The following ZFYVE1 variants were observed in gnomAD, a reference collection of about 807,000 sequenced individuals.
The protein encoded by ZFYVE1 is zinc finger FYVE-type containing 1.
A neutral mutation model predicts 74.4 loss-of-function variants in ZFYVE1; 30 were observed. The ratio of observed to expected loss-of-function variants is 0.40; its 90% CI spans 0.30 to 0.55. The LOEUF is 0.55. Among genes scored for constraint, ZFYVE1 ranks in the 20% least tolerant of loss-of-function variants. The pLI is 0.42. For synonymous variants in ZFYVE1, 335 were observed against 385.1 expected, an observed-to-expected ratio of 0.87 and a Z score of 1.52; for missense variants, 703 against 1,011.6, an observed-to-expected ratio of 0.69 and a Z score of 4.14.
At chr14:73,020,674 T>C (rs905829868) in intron 2 of ZFYVE1, among the ~76,000 whole-genome samples, 2 of 152,082 alleles carry the variant, frequency 1.3e-5, no homozygotes, top group Admixed American at 6.6e-5. Context: ...TAATGGTGAC[T>C]GCTTTAAGAA....
chr14:72,980,864 AT>A (rs1893312784), intron 5 of ZFYVE1, among the ~76,000 whole-genome samples: 1 of 152,148 alleles, frequency 6.6e-6, no homozygotes, highest in Admixed American at 6.5e-5. Context: ...CCGAGAATTT[AT>A]TAAATTTATT....
chr14:73,015,947 A>T (rs370478116), intron 2 of ZFYVE1, among the ~76,000 whole-genome samples: 11 of 151,712 alleles, frequency 7.3e-5, no homozygotes, highest in South Asian at 2.1e-4. Context: ...AATAAATAAA[A>T]AATAAAAACA....
intron 2 of ZFYVE1, among the ~76,000 whole-genome samples, chr14:73,020,348 GTTTC>G (rs1257050381): frequency 6.6e-6 from 1 of 150,720 alleles, no homozygotes; most frequent in East Asian, 2.0e-4. Flanking sequence ...TTTTTTGTTT[GTTTC>G]TTTGTTTCTT....
At chr14:73,019,625 C>T (rs1894273523) in intron 2 of ZFYVE1, among the ~76,000 whole-genome samples, 2 of 152,146 alleles carry the variant, frequency 1.3e-5, no homozygotes, top group Admixed American at 1.3e-4. Context: ...AATTGGTGAG[C>T]TGGTGCTTTT....
chr14:73,008,995 C>A (rs2140378258), intron 2 of ZFYVE1, among the ~76,000 whole-genome samples: 1 of 152,314 alleles, frequency 6.6e-6, no homozygotes, highest in Admixed American at 6.5e-5. Flanking sequence ...CTAAACACCC[C>A]AACTAGAATG....
intron 2 of ZFYVE1, among the ~76,000 whole-genome samples, chr14:73,010,734 C>T (rs1210206762): frequency 6.7e-5 from 9 of 134,650 alleles, no homozygotes; most frequent in African/African-American, 1.9e-4. Context: ...TGTGCCACTG[C>T]ACTCCAGCCT....
At position 72,993,886 on chromosome 14, in the gene ZFYVE1, G is replaced by A. The variant is rs1287881475; in HGVS notation, c.989-529C>T. Among the ~76,000 whole-genome samples, 3 of 150,570 alleles carry A rather than the reference G, an allele frequency of 2.0e-5. No individual in the cohort carries two copies. The South Asian group carries it at 6.4e-4, about 32-fold the overall frequency. On this transcript the variant is annotated intron_variant, in intron 3 of 11. Coordinates refer to ENST00000556143, the MANE Select transcript of ZFYVE1 (RefSeq NM_021260.4). ...AAATACTAGCCAAGCGTGGTGGCAG[G>A]TGCCTGTAATCCCAGCTATTCAGGA...
At chr14:72,996,134 G>T (rs1463311453) in intron 3 of ZFYVE1, among the ~76,000 whole-genome samples, 1 of 152,104 alleles carries the variant, frequency 6.6e-6, no homozygotes, top group East Asian at 1.9e-4. Context: ...GCTGCATTCA[G>T]TGGGCAGGGG....
At chr14:73,003,401 G>C (rs945008669) in intron 2 of ZFYVE1, among the ~76,000 whole-genome samples, 28 of 152,148 alleles carry the variant, frequency 1.8e-4, no homozygotes, top group African/African-American at 6.8e-4. Flanking sequence ...AGACCACTCA[G>C]TGTGAAAATA....
intron 2 of ZFYVE1, among the ~76,000 whole-genome samples, chr14:72,999,177 C>A (rs1893816749): frequency 6.6e-6 from 1 of 151,800 alleles, no homozygotes; most frequent in African/African-American, 2.4e-5. Context: ...ACCTGTAATC[C>A]CAACACTTTG....
chr14:73,000,029 A>C (rs1893836572), intron 2 of ZFYVE1, among the ~76,000 whole-genome samples: 1 of 152,238 alleles, frequency 6.6e-6, no homozygotes, highest in Middle Eastern at 3.2e-3. Flanking sequence ...ACTGCACTCC[A>C]GTCTGGGTGA....
intron 2 of ZFYVE1, among the ~76,000 whole-genome samples, chr14:73,002,374 T>C (rs1893890552): frequency 6.6e-6 from 1 of 152,216 alleles, no homozygotes; most frequent in East Asian, 1.9e-4. Context: ...ATACTAAAAA[T>C]ACTGAATTAT....
chr14:73,014,077 A>T (rs1431465296), intron 2 of ZFYVE1, among the ~76,000 whole-genome samples: 2 of 152,122 alleles, frequency 1.3e-5, no homozygotes, highest in Non-Finnish European at 2.9e-5. Context: ...AAAATCAATC[A>T]CTTCAAGGAA....
intron 2 of ZFYVE1, among the ~76,000 whole-genome samples, chr14:72,998,994 A>T (rs1481669369): frequency 6.6e-6 from 1 of 152,134 alleles, no homozygotes; most frequent in East Asian, 1.9e-4. Context: ...TAAAAAGAAA[A>T]AATAGATAAA....
intron 3 of ZFYVE1, among the ~76,000 whole-genome samples, chr14:72,997,102 T>C (rs1323090175): frequency 6.6e-6 from 1 of 152,222 alleles, no homozygotes; most frequent in Non-Finnish European, 1.5e-5. Flanking sequence ...TTTCCCATTG[T>C]TATGGATGAA....
At chr14:73,019,506 G>A (rs1264140816) in intron 2 of ZFYVE1, among the ~76,000 whole-genome samples, 2 of 152,104 alleles carry the variant, frequency 1.3e-5, no homozygotes, top group Non-Finnish European at 2.9e-5. Flanking sequence ...GAACCTAACT[G>A]ATAGACACTT....
At position 72,970,097 on chromosome 14, in the gene ZFYVE1, G is replaced by C. The variant is rs2806028; in HGVS notation, c.*785C>G. The C allele has an allele frequency of 0.25, 69,357 of 279,976 alleles. 10,448 individuals carry two copies. The highest frequency in any genetic ancestry group is 0.31 in the Non-Finnish European group (46,561 of 147,892). 17.3% of individuals were successfully genotyped at this position (279,976 alleles called of 1,614,324 possible). A position where few individuals can be genotyped will look rare whatever the true frequency, so the allele number is the denominator to read the frequency against. ...CTTTTGGGAAAGCCGAGTGGAGACA[G>C]AAGCATCGGGACAGGAAGCCCTGCT... On this transcript the variant is annotated 3_prime_UTR_variant, in exon 12 of 12. Coordinates refer to ENST00000556143, the MANE Select transcript of ZFYVE1 (RefSeq NM_021260.4).
intron 2 of ZFYVE1, among the ~76,000 whole-genome samples, chr14:73,016,161 C>T (rs867167115): frequency 6.6e-6 from 1 of 152,172 alleles, no homozygotes; most frequent in Non-Finnish European, 1.5e-5. Flanking sequence ...TTGCCTCTGG[C>T]TTCAAGAGAT....
At chr14:73,015,649 G>A (rs138391574) in intron 2 of ZFYVE1, among the ~76,000 whole-genome samples, 1,831 of 152,234 alleles carry the variant, frequency 0.012, 36 homozygotes, top group African/African-American at 0.042. Context: ...CTCCCAAAGC[G>A]CTGGGATTAC....
Sources: gnomAD v4.1 joint callset for allele counts (sites outside exome capture counted in the v4.1 genomes callset) on GRCh38, gnomAD v4.1.1 for gene constraint, MANE v1.5 for transcripts, NCBI Gene and HGNC (gene_info 2026-07-23, HGNC 2026-07-21) for gene names.